Variants in GNG7 observed in about 807,000 individuals in gnomAD.
The protein encoded by GNG7 is G protein subunit gamma 7.
In GNG7, 1 loss-of-function variant was observed where a neutral mutation model predicts 4.0. The observed-to-expected ratio is 0.25, with a 90% CI of 0.09 to 1.18. The LOEUF (loss-of-function observed/expected upper bound fraction) is 1.18. Among genes scored for constraint, GNG7 ranks in the 50% most tolerant of loss-of-function variants. GNG7 has a pLI of 0.50. For synonymous variants in GNG7, 34 were observed against 36.9 expected (o/e 0.92, Z 0.29); for missense variants, 86 against 91.9 (o/e 0.94, Z 0.26).
intron 1 of GNG7, among the ~76,000 whole-genome samples, chr19:2,695,786 C>T (rs991917711): frequency 6.6e-6 from 1 of 152,134 alleles, no homozygotes; most frequent in African/African-American, 2.4e-5. Flanking sequence ...AAACCAGAGG[C>T]TGATTCGTCA....
At chr19:2,615,463 T>C (rs1265076415) in intron 2 of GNG7, among the ~76,000 whole-genome samples, 2 of 133,768 alleles carry the variant, frequency 1.5e-5, no homozygotes, top group Non-Finnish European at 3.2e-5. Flanking sequence ...GGTTTTTTTT[T>C]TTTTTTTTTT....
chr19:2,692,146 C>T (rs1469191292), intron 1 of GNG7, among the ~76,000 whole-genome samples: 2 of 152,198 alleles, frequency 1.3e-5, no homozygotes, highest in African/African-American at 2.4e-5. Context: ...CGGCGGCAGC[C>T]CCAGGCTCCT....
intron 1 of GNG7, among the ~76,000 whole-genome samples, chr19:2,656,205 T>C (rs1160609102): frequency 6.6e-6 from 1 of 152,188 alleles, no homozygotes; most frequent in African/African-American, 2.4e-5. Flanking sequence ...GTAATCCCAC[T>C]TCTGGGTATA....
At chr19:2,655,032 T>A (rs780764973) in intron 1 of GNG7, among the ~76,000 whole-genome samples, 63 of 151,586 alleles carry the variant, frequency 4.2e-4, no homozygotes, top group South Asian at 8.3e-4. Flanking sequence ...ACAAAAAAAA[T>A]TTTAAAACAT....
chr19:2,574,014 G>A (rs977335652), intron 2 of GNG7, among the ~76,000 whole-genome samples: 6 of 152,104 alleles, frequency 3.9e-5, no homozygotes, highest in East Asian at 3.9e-4. Context: ...CTGCCGCCTC[G>A]GGGAGGCCTG....
intron 1 of GNG7, among the ~76,000 whole-genome samples, chr19:2,679,626 A>G (rs776037559): frequency 3.9e-5 from 6 of 152,206 alleles, no homozygotes; most frequent in African/African-American, 1.2e-4. Context: ...AGAAAACTCT[A>G]GAAGGCTCTG....
chr19:2,607,479 A>C (rs1236003145), intron 2 of GNG7, among the ~76,000 whole-genome samples: 1 of 141,462 alleles, frequency 7.1e-6, no homozygotes, highest in African/African-American at 2.6e-5. Flanking sequence ...CAGTGAGCCG[A>C]GATCGCACCA....
intron 1 of GNG7, among the ~76,000 whole-genome samples, chr19:2,677,166 C>A (rs955026248): frequency 6.6e-6 from 1 of 152,110 alleles, no homozygotes; most frequent in Non-Finnish European, 1.5e-5. Flanking sequence ...GGAGACAGGG[C>A]CTTCCAGGAG....
At chr19:2,553,656 C>T (rs907593378) in intron 3 of GNG7, among the ~76,000 whole-genome samples, 3 of 110,188 alleles carry the variant, frequency 2.7e-5, no homozygotes, top group African/African-American at 3.6e-5. Context: ...ATATTACATA[C>T]ATGCACACGT....
Position 2,514,999 on chromosome 19 carries a change from A to C in GNG7, c.*23T>G. 6.3e-7 allele frequency: 1 copy of C among 1,591,756 alleles called. No homozygotes were observed. The highest frequency in any genetic ancestry group is 8.6e-7 in the Non-Finnish European group (1 of 1,160,092). ...GAGAGAGAGAGAAAGAGAGAGAGAGAGAGAGAACATATGAGAACACAGTTA... is the reference window on the plus strand; with the variant it reads ...GAGAGAGAGAGAAAGAGAGAGAGAGCGAGAGAACATATGAGAACACAGTTA... On this transcript the variant is annotated 3_prime_UTR_variant, in exon 5 of 5. Transcript: ENST00000382159.
chr19:2,576,351 C>T lies in GNG7; in HGVS notation c.-77-21163G>A, dbSNP rs138156671. ...GCCTGCACACGGTGTGCTGGGAATC[C>T]GCCCTGGGTGGGGCTGACCCACTCC... On this transcript the variant is annotated intron_variant, in intron 2 of 4. Coordinates refer to ENST00000382159, the MANE Select transcript of GNG7 (RefSeq NM_052847.3). 1.2e-4 allele frequency among the ~76,000 whole-genome samples: 19 copies of T among 152,290 alleles called. No homozygotes were observed. The East Asian group carries it at 1.7e-3, about 14-fold the overall frequency.
rs1291986532 is a variant in GNG7 at position 2,634,507 on chromosome 19, C to G, written c.-78+11717G>C. ...TCCTGGGCTACAGATGTGGAGGCTG[C>G]TGGGTACAGGGAGAGGTTTCTGAGT... On this transcript the variant is annotated intron_variant, in intron 2 of 4. Coordinates refer to ENST00000382159, the MANE Select transcript of GNG7 (RefSeq NM_052847.3). This position sits in a 1 kb window ranked among gnomAD's most constrained non-coding sequence, Gnocchi z 5.3. Among the ~76,000 whole-genome samples the G allele has an allele frequency of 6.6e-6, 1 of 152,154 alleles. No individual in the cohort carries two copies.
chr19:2,686,667 C>T (rs922355387), intron 1 of GNG7, among the ~76,000 whole-genome samples: 7 of 152,008 alleles, frequency 4.6e-5, no homozygotes, highest in Admixed American at 1.3e-4. Context: ...GGGAAGACGA[C>T]GAGTTTCCAA....
At chr19:2,620,816 C>T (rs1405139117) in intron 2 of GNG7, among the ~76,000 whole-genome samples, 5 of 152,072 alleles carry the variant, frequency 3.3e-5, no homozygotes, top group African/African-American at 1.2e-4. Context: ...ACTCTGGCTC[C>T]GGGCAACAGA....
intron 3 of GNG7, among the ~76,000 whole-genome samples, chr19:2,525,495 C>G (rs528708099): frequency 0.01 from 1,498 of 148,372 alleles, 22 homozygotes; most frequent in African/African-American, 0.035. Context: ...GGTACCCCCC[C>G]ACTCCAGGAC....
intron 2 of GNG7, among the ~76,000 whole-genome samples, chr19:2,583,925 C>T (rs1008468844): frequency 7.9e-5 from 12 of 152,038 alleles, no homozygotes; most frequent in African/African-American, 2.9e-4. Flanking sequence ...AGAACAGTAT[C>T]AATAGTGTGA....
chr19:2,524,287 G>A (rs1263572603), intron 3 of GNG7, among the ~76,000 whole-genome samples: 3 of 152,222 alleles, frequency 2.0e-5, no homozygotes, highest in Non-Finnish European at 2.9e-5. Context: ...CTTTGGGCTG[G>A]GTAATAACCC....
chr19:2,680,621 G>C (rs985622173), intron 1 of GNG7, among the ~76,000 whole-genome samples: 1 of 146,786 alleles, frequency 6.8e-6, no homozygotes. Flanking sequence ...TGTTGCCCAG[G>C]CTGGAATGCA....
Position 2,631,020 on chromosome 19 carries a change from A to G in GNG7, c.-78+15204T>C, listed in dbSNP as rs548039698. On this transcript the variant is annotated intron_variant, in intron 2 of 4. Coordinates refer to ENST00000382159, the MANE Select transcript of GNG7 (RefSeq NM_052847.3). ...TTTCCTCCTGAGTATGTCTGAGTAT[A>G]TCATCAAAAAGGTCTAATGACTATG... 3.3e-5 allele frequency among the ~76,000 whole-genome samples: 5 copies of G among 152,272 alleles called. No individual in the cohort carries two copies. In the South Asian group the frequency reaches 1.0e-3, roughly 32 times the overall value.
Sources: gnomAD v4.1 joint callset for allele counts (sites outside exome capture counted in the v4.1 genomes callset) on GRCh38, gnomAD v4.1.1 for gene constraint, Gnocchi (gnomAD v3.1) non-coding constraint, MANE v1.5 for transcripts, NCBI Gene and HGNC (gene_info 2026-07-23, HGNC 2026-07-21) for gene names.